Variants in NHLRC3 observed in about 807,000 individuals in gnomAD.
NHLRC3 encodes the protein NHL repeat-containing protein 3.
A neutral mutation model predicts 32.0 loss-of-function variants in NHLRC3; 23 were observed. The ratio of observed to expected loss-of-function variants is 0.72; its 90% confidence interval spans 0.52 to 1.02. NHLRC3 has a LOEUF of 1.02. Ranked by LOEUF, NHLRC3 falls within the 50% of genes least tolerant of loss-of-function variation. NHLRC3 has a pLI of 0.00. For missense variants in NHLRC3, 407 were observed against 406.8 expected (o/e 1.00, Z -0.01); for synonymous variants, 159 against 147.9 (o/e 1.08, Z -0.55).
intron 5 of NHLRC3, among the ~76,000 whole-genome samples, chr13:39,045,913 T>C (rs1295280897): frequency 6.6e-6 from 1 of 152,198 alleles, no homozygotes; most frequent in African/African-American, 2.4e-5. Flanking sequence ...GAAGAAATTA[T>C]CTCTCAATCC....
chr13:39,041,972 T>C, intron 3 of NHLRC3, 133 bp from the exon 4 acceptor site: 3 of 595,342 alleles, frequency 5.0e-6, no homozygotes, highest in Non-Finnish European at 8.9e-6. Context: ...TTGTCAATTA[T>C]ATGTAATTTC....
chr13:39,038,726 G>C lies in NHLRC3; in HGVS notation c.84+3G>C. The C allele has an allele frequency of 6.2e-7, 1 of 1,611,596 alleles. No homozygotes were observed. Among genetic ancestry groups the C allele is most frequent in the South Asian group, 1.1e-5 (1 of 91,022 alleles). The stretch of plus-strand genomic sequence containing the variant: ...ATTCGCGTTTTTGTGGCTCTCCAGT[G>C]AGTTGGGTAGTGAGGAAATGACTGT... On this transcript the variant is annotated splice_donor_region_variant and intron_variant, in intron 1 of 6. Transcript: ENST00000379600.
At chr13:39,039,380 C>A in intron 2 of NHLRC3, 92 bp downstream of exon 2, 1 of 1,150,986 alleles carries the variant, frequency 8.7e-7, no homozygotes, top group Non-Finnish European at 1.3e-6. Context: ...GCGTTTATAT[C>A]ATGCTAATTG....
intron 3 of NHLRC3, 193 bp downstream of exon 3, chr13:39,039,904 C>T (rs933357661): frequency 9.5e-6 from 4 of 420,098 alleles, no homozygotes; most frequent in East Asian, 4.1e-5. Flanking sequence ...GGCTGGACGC[C>T]GTGGCTCACG....
Position 39,038,542 on chromosome 13 carries a change from C to T in NHLRC3, c.-98C>T. ...GGAGATAGGGTCTTCGGGCCCCGGG[C>T]AGACCCTCTGTGCCGCTGCAAACCG... On this transcript the variant is annotated 5_prime_UTR_variant, in exon 1 of 7. Transcript: ENST00000379600. The T allele has an allele frequency of 9.9e-7, 1 of 1,008,058 alleles. No individual in the cohort carries two copies. The allele number at this position is 1,008,058 out of a possible 1,614,324, so 62.4% of individuals were successfully genotyped here.
Position 39,044,077 on chromosome 13 carries a change from T to C in NHLRC3, c.587-13T>C, listed in dbSNP as rs902743567. 2 of 1,591,998 alleles carry C rather than the reference T, an allele frequency of 1.3e-6. No individual in the cohort carries two copies. Among genetic ancestry groups the C allele is most frequent in the Non-Finnish European group, 1.7e-6 (2 of 1,159,946 alleles). ...TATATGTTGCTCTGACTATATATTT[T>C]TACCGTTTATAGATTTCATGATCCT... is the stretch of plus-strand genomic sequence containing the variant. On this transcript the variant is annotated splice_polypyrimidine_tract_variant and intron_variant, in intron 4 of 6. Transcript: ENST00000379600.
At chr13:39,044,350 A>C (rs1440461622) in intron 5 of NHLRC3, 169 bp downstream of exon 5, 1 of 599,984 alleles carries the variant, frequency 1.7e-6, no homozygotes, top group Non-Finnish European at 3.0e-6. Flanking sequence ...TGTCTGGGTA[A>C]TTACTCTGGG....
intron 3 of NHLRC3, chr13:39,041,310 G>A (rs1157725188): frequency 6.6e-6 from 1 of 151,998 alleles, no homozygotes; most frequent in South Asian, 2.1e-4. Flanking sequence ...GTCTAAAAGT[G>A]TAATAGTAAA....
rs963895575 is a variant in NHLRC3 at position 39,038,792 on chromosome 13, C to G, written c.84+69C>G. On this transcript the variant is annotated intron_variant, in intron 1 of 6. Transcript: ENST00000379600. ...CCCTGTTGGGAGGCGTCGCCACGGT[C>G]GTGGCATGGAGGTGGCAGGCCCTGG... The G allele has an allele frequency of 6.1e-6, 8 of 1,309,764 alleles. No homozygotes were observed. The Admixed American group carries it at 8.4e-5, about 14-fold the overall frequency. 81.1% of individuals were successfully genotyped at this position (1,309,764 alleles called of 1,614,324 possible).
chr13:39,047,299 A>G, intron 6 of NHLRC3, 147 bp downstream of exon 6: 1 of 587,572 alleles, frequency 1.7e-6, no homozygotes, highest in Non-Finnish European at 3.0e-6. Flanking sequence ...TTGATATCCA[A>G]GATTTTCAGA....
chr13:39,044,040 C>A, intron 4 of NHLRC3, 50 bp from the exon 5 acceptor site: 2 of 1,245,598 alleles, frequency 1.6e-6, no homozygotes, highest in Non-Finnish European at 2.4e-6. Context: ...TATGCAAATG[C>A]ATGAGACATT....
rs1423592849 is a variant in NHLRC3, at chr13:39,039,645, C to G, written c.319C>G (p.Pro107Ala). 1 of 1,612,088 alleles carries G rather than the reference C, an allele frequency of 6.2e-7. No homozygotes were observed. The highest frequency in any genetic ancestry group is 2.2e-5 in the East Asian group (1 of 44,840). Residue 107 changes from proline to alanine, a missense_variant, in exon 3 of 7, where the codon CCT becomes GCT. Coordinates refer to ENST00000379600, the MANE Select transcript of NHLRC3 (RefSeq NM_001012754.4). ...LRAWNYTVDT[P>A]HGIFAASTLY... is the part of the protein sequence containing the mutation. The stretch of plus-strand genomic sequence containing the variant: ...AGCCTGGAATTATACAGTTGACACA[C>G]CTCATGGTATATTTGCAGCCAGTAC...
chr13:39,046,256 T>A (rs1871671801), intron 5 of NHLRC3, among the ~76,000 whole-genome samples: 1 of 152,116 alleles, frequency 6.6e-6, no homozygotes, highest in Admixed American at 6.5e-5. Flanking sequence ...GAGGCGGAGC[T>A]TGCAGTGAGC....
intron 1 of NHLRC3, 74 bp from the exon 2 acceptor site, chr13:39,039,062 A>AAC: frequency 1.1e-5 from 6 of 523,976 alleles, no homozygotes; most frequent in Admixed American, 2.5e-5. Context: ...AAGCCCTGTT[A>AAC]CCCGGCCCCC....
chr13:39,042,137 T>G lies in NHLRC3; in HGVS notation c.418T>G (p.Ser140Ala). 6.2e-7 allele frequency: 1 copy of G among 1,610,086 alleles called. No individual in the cohort carries two copies. The highest frequency in any genetic ancestry group is 8.5e-7 in the Non-Finnish European group (1 of 1,176,488). Residue 140 changes from serine (S) to alanine (A), a missense_variant, in exon 4 of 7, where the codon TCT becomes GCT. Coordinates refer to ENST00000379600, the MANE Select transcript of NHLRC3 (RefSeq NM_001012754.4). ...TGGTCATACTGTTAAAAAATACAGTTCTTTTGGTGATCTTGTTCAAGTCTT... is the reference window on the plus strand; with the variant it reads ...TGGTCATACTGTTAAAAAATACAGTGCTTTTGGTGATCTTGTTCAAGTCTT... The part of the protein sequence containing the change: ...FFGHTVKKYS[S>A]FGDLVQVLGT...
In NHLRC3 at chr13:39,044,186, A is replaced by C. The variant is rs1185376308; in HGVS notation, c.678+5A>C. ...ACACTTGATTCAGCTGGTCGGGTAC[A>C]AATACAGCGTCATTGTGTCTGGGAC... On this transcript the variant is annotated splice_donor_5th_base_variant and intron_variant, in intron 5 of 6. Coordinates refer to ENST00000379600, the MANE Select transcript of NHLRC3 (RefSeq NM_001012754.4). The C allele has an allele frequency of 6.3e-7, 1 of 1,590,450 alleles. No individual in the cohort carries two copies. The highest frequency in any genetic ancestry group is 8.6e-7 in the Non-Finnish European group (1 of 1,158,540).
rs1264616754 is a variant in NHLRC3, at chr13:39,047,824, A to G, written c.942A>G (p.Glu314=). The G allele has an allele frequency of 2.5e-6, 4 of 1,613,900 alleles. No homozygotes were observed. The African/African-American group carries it at 5.3e-5, about 22-fold the overall frequency. Residue 314 remains glutamate (E), a synonymous_variant, in exon 7 of 7, where the codon GAA becomes GAG. Transcript: ENST00000379600. ...ATCAAGTTTTGCCACATCTCCTAGA[A>G]GTCGACAGAAAGACTGGAGCAGTCT... is the stretch of plus-strand genomic sequence containing the variant. ...LADQVLPHLL[E]VDRKTGAVYV...
chr13:39,047,892 C>T lies in NHLRC3; in HGVS notation c.1010C>T (p.Pro337Leu), dbSNP rs931003273. Reference protein sequence around the residue: ...IGAKQVQKYVPLNSYVPSFGS With the variant: ...IGAKQVQKYVLLNSYVPSFGS ...GCAAAACAAGTACAAAAATATGTCC[C>T]TTTGAATAGCTATGTTCCTTCATTT... Residue 337 changes from proline to leucine, a missense_variant, in exon 7 of 7, where the codon CCT (proline) becomes CTT (leucine). By Grantham distance (98) the Pro-to-Leu change is moderately conservative (BLOSUM62 -3). Transcript: ENST00000379600. The T allele has an allele frequency of 6.2e-7, 1 of 1,613,036 alleles. No individual in the cohort carries two copies. Among genetic ancestry groups the T allele is most frequent in the Non-Finnish European group, 8.5e-7 (1 of 1,179,192 alleles).
rs1244162646 is a variant in NHLRC3, at chr13:39,047,036, T to C, written c.679-4T>C. Reference sequence around the variant, plus strand: ...TTCAATTGACATTTTTGTGTGTTTCTCAGGTGTGGGTTGCTGACCGAGGAA... The same window carrying C: ...TTCAATTGACATTTTTGTGTGTTTCCCAGGTGTGGGTTGCTGACCGAGGAA... On this transcript the variant is annotated splice_region_variant and splice_polypyrimidine_tract_variant and intron_variant, in intron 5 of 6. Coordinates refer to ENST00000379600, the MANE Select transcript of NHLRC3 (RefSeq NM_001012754.4). 1 of 1,575,128 alleles carries C rather than the reference T, an allele frequency of 6.3e-7. No individual in the cohort carries two copies. Among genetic ancestry groups the C allele is most frequent in the South Asian group, 1.1e-5 (1 of 89,266 alleles).
Sources: gnomAD v4.1 joint callset for allele counts (sites outside exome capture counted in the v4.1 genomes callset) on GRCh38, gnomAD v4.1.1 for gene constraint, MANE v1.5 for transcripts, NCBI Gene and HGNC (gene_info 2026-07-23, HGNC 2026-07-21) for gene names.